SLC24A2: variants seen among roughly 807,000 people sequenced by gnomAD.
The protein encoded by SLC24A2 is solute carrier family 24 member 2.
SLC24A2 carries 36 observed loss-of-function variants against 62.0 expected under a neutral mutation model. The ratio of observed to expected loss-of-function variants is 0.58; its 90% CI spans 0.44 to 0.77. SLC24A2 has a LOEUF of 0.77. SLC24A2 is among the 30% of genes least tolerant of loss of function. The pLI, the probability that SLC24A2 is intolerant of heterozygous loss-of-function variation, is 0.00. For synonymous variants in SLC24A2, 358 were observed against 294.0 expected, an observed-to-expected ratio of 1.22 and a Z score of -2.23; for missense variants, 846 against 817.9, an observed-to-expected ratio of 1.03 and a Z score of -0.42.
intron 2 of SLC24A2, among the ~76,000 whole-genome samples, chr9:19,711,713 C>T (rs1195172041): frequency 6.6e-6 from 1 of 152,222 alleles, no homozygotes. Context: ...AATATACTTT[C>T]TTCTTTAAAC....
chr9:20,102,912 G>A, the SLC24A2 span, among the ~76,000 whole-genome samples: 2 of 152,192 alleles, frequency 1.3e-5, no homozygotes, highest in Non-Finnish European at 2.9e-5. Flanking sequence ...CACTCTGGAA[G>A]CTCAAGGGAT....
chr9:19,802,652 A>C, the SLC24A2 span, among the ~76,000 whole-genome samples: 3 of 152,258 alleles, frequency 2.0e-5, no homozygotes, highest in Non-Finnish European at 4.4e-5. Context: ...AAGAATGGGC[A>C]AAATAATAAA....
the SLC24A2 span, among the ~76,000 whole-genome samples, chr9:20,137,354 C>T: frequency 3.3e-5 from 5 of 152,152 alleles, no homozygotes; most frequent in Non-Finnish European, 5.9e-5. Context: ...AGGATTTTTA[C>T]AGGTCTAAGG....
intron 2 of SLC24A2, among the ~76,000 whole-genome samples, chr9:19,656,253 T>TA (rs1278271693): frequency 6.6e-6 from 1 of 152,118 alleles, no homozygotes; most frequent in Non-Finnish European, 1.5e-5. Context: ...ACAACCAATA[T>TA]AAAAAAATGA....
chr9:19,870,771 T>A, the SLC24A2 span, among the ~76,000 whole-genome samples: 3 of 152,300 alleles, frequency 2.0e-5, no homozygotes, highest in Non-Finnish European at 4.4e-5. Flanking sequence ...GTTGAGCATA[T>A]TTTCCTGTAT....
chr9:19,516,185 C>G lies in SLC24A2; in HGVS notation c.1954G>C (p.Asp652His). 1.2e-6 allele frequency: 2 copies of G among 1,614,118 alleles called. No individual in the cohort carries two copies. The highest frequency in any genetic ancestry group is 1.7e-6 in the Non-Finnish European group (2 of 1,180,012). Reference protein sequence around the residue: ...VFLVVSVLLEDRILTCPVSI With the variant: ...VFLVVSVLLEHRILTCPVSI ...GAGACGGGGCATGTAAGAATTCTGT[C>G]TTCTAGGAGAACGCTCACCACCAGG... The change falls in exon 11 of 11, where the codon GAC becomes CAC. Residue 652 changes from aspartate (D) to histidine (H), a missense_variant. Coordinates refer to ENST00000341998, the MANE Select transcript of SLC24A2 (RefSeq NM_020344.4).
chr9:19,536,024 T>A (rs1833955114), intron 8 of SLC24A2, among the ~76,000 whole-genome samples: 1 of 152,070 alleles, frequency 6.6e-6, no homozygotes. Context: ...CCTTGAGCAG[T>A]GGTTTGCAGT....
At chr9:20,137,474 T>A in the SLC24A2 span, among the ~76,000 whole-genome samples, 6 of 152,172 alleles carry the variant, frequency 3.9e-5, no homozygotes, top group Non-Finnish European at 8.8e-5. Flanking sequence ...TCACATCAAA[T>A]CTTTATAGTT....
At chr9:19,563,924 G>T (rs1469520862) in intron 7 of SLC24A2, among the ~76,000 whole-genome samples, 1 of 147,466 alleles carries the variant, frequency 6.8e-6, no homozygotes, top group African/African-American at 2.5e-5. Context: ...GGTGATCATG[G>T]CTCATTGCAG....
chr9:19,778,623 T>C (rs1170936227), intron 2 of SLC24A2, among the ~76,000 whole-genome samples: 2 of 152,192 alleles, frequency 1.3e-5, no homozygotes, highest in Non-Finnish European at 2.9e-5. Flanking sequence ...GAATTTACAC[T>C]ACCTGGGTAG....
chr9:19,812,210 A>G, the SLC24A2 span, among the ~76,000 whole-genome samples: 1 of 151,966 alleles, frequency 6.6e-6, no homozygotes, highest in Admixed American at 6.5e-5. Flanking sequence ...AATGATTTCT[A>G]TTTTTTCAAA....
intron 9 of SLC24A2, among the ~76,000 whole-genome samples, chr9:19,521,276 TAAACAGA>T (rs1225024430): frequency 6.6e-6 from 1 of 152,182 alleles, no homozygotes; most frequent in Non-Finnish European, 1.5e-5. Flanking sequence ...ACATGAAAAT[TAAACAGA>T]TAATCTCAAA....
chr9:19,889,012 G>C, the SLC24A2 span, among the ~76,000 whole-genome samples: 1 of 152,194 alleles, frequency 6.6e-6, no homozygotes, highest in African/African-American at 2.4e-5. Flanking sequence ...TCACGAGTCA[G>C]AGAAGCTAGA....
At position 19,619,530 on chromosome 9, in the gene SLC24A2, T is replaced by G. The variant is rs569485200; in HGVS notation, c.1078+54A>C. 64 of 1,357,582 alleles carry G rather than the reference T, an allele frequency of 4.7e-5. No individual in the cohort carries two copies. The South Asian group carries it at 7.0e-4, about 15-fold the overall frequency. 84.1% of individuals were successfully genotyped at this position (1,357,582 alleles called of 1,614,324 possible). On this transcript the variant is annotated intron_variant, in intron 4 of 10. Transcript: ENST00000341998. ...CAAACACGTTTTATGCAGAGAAGCC[T>G]TTTGGCATCCTTTTCCCCCCAAACA...
chr9:19,814,192 C>T, the SLC24A2 span, among the ~76,000 whole-genome samples: 1 of 152,112 alleles, frequency 6.6e-6, no homozygotes. Flanking sequence ...TCATATCTCA[C>T]ACTGAGAAAG....
At chr9:19,593,390 G>A (rs1836613345) in intron 5 of SLC24A2, among the ~76,000 whole-genome samples, 1 of 152,130 alleles carries the variant, frequency 6.6e-6, no homozygotes, top group African/African-American at 2.4e-5. Flanking sequence ...GGGGTGGGGA[G>A]AGGAGGTTGG....
At chr9:19,546,122 G>A (rs377331506) in intron 8 of SLC24A2, among the ~76,000 whole-genome samples, 1 of 152,338 alleles carries the variant, frequency 6.6e-6, no homozygotes, top group East Asian at 1.9e-4. Context: ...GAGCTCTCCT[G>A]TATGAGGTAG....
rs1468003948 is a variant in SLC24A2, at chr9:19,534,795, T to A, written c.1480-6657A>T. Among the ~76,000 whole-genome samples, 8 of 152,334 alleles carry A rather than the reference T, an allele frequency of 5.3e-5. No homozygotes were observed. The South Asian group carries it at 1.5e-3, about 28-fold the overall frequency. ...TGGGTTGGTTCCAAGTCTTTGCTAT[T>A]GTGAATAGTGCCACAATAAACATAT... On this transcript the variant is annotated intron_variant, in intron 8 of 10. Transcript: ENST00000341998.
At chr9:19,555,841 A>G (rs1017482966) in intron 7 of SLC24A2, among the ~76,000 whole-genome samples, 5 of 152,302 alleles carry the variant, frequency 3.3e-5, no homozygotes, top group Admixed American at 2.0e-4. Context: ...GCTACTCAGG[A>G]GGCTGAGGCA....
Sources: gnomAD v4.1 joint callset for allele counts (sites outside exome capture counted in the v4.1 genomes callset) on GRCh38, gnomAD v4.1.1 for gene constraint, MANE v1.5 for transcripts, NCBI Gene and HGNC (gene_info 2026-07-23, HGNC 2026-07-21) for gene names.